NELL2: variants seen among roughly 807,000 people sequenced by gnomAD.
NELL2 encodes protein kinase C-binding protein NELL2.
In NELL2, 41 loss-of-function variants were observed where a neutral mutation model predicts 109.6. The observed-to-expected ratio is 0.37, with a 90% CI of 0.29 to 0.49. The LOEUF is 0.49. Among genes scored for constraint, NELL2 ranks in the 20% least tolerant of loss-of-function variants. NELL2 has a pLI of 0.98. For missense variants in NELL2, 900 were observed against 1,008.3 expected (o/e 0.89, Z 1.45); for synonymous variants, 355 against 344.7 (o/e 1.03, Z -0.33).
chr12:44,584,072 C>A (rs772630089), intron 15 of NELL2, among the ~76,000 whole-genome samples: 1 of 152,238 alleles, frequency 6.6e-6, no homozygotes, highest in Non-Finnish European at 1.5e-5. Flanking sequence ...CAGCGCCCAG[C>A]CTTAAATATC....
chr12:44,831,324 T>C (rs1283600208), intron 2 of NELL2, among the ~76,000 whole-genome samples: 21 of 152,168 alleles, frequency 1.4e-4, no homozygotes, highest in Admixed American at 1.4e-3. Flanking sequence ...TAAGTGACCA[T>C]TCCTAGACTA....
At chr12:44,619,144 G>A (rs764633849) in intron 13 of NELL2, among the ~76,000 whole-genome samples, 2 of 152,140 alleles carry the variant, frequency 1.3e-5, no homozygotes, top group African/African-American at 2.4e-5. Context: ...GACAGACAGG[G>A]AGGGTTTTTA....
At chr12:44,774,250 C>T (rs531906782) in intron 9 of NELL2, among the ~76,000 whole-genome samples, 1 of 152,318 alleles carries the variant, frequency 6.6e-6, no homozygotes, top group South Asian at 2.1e-4. Flanking sequence ...AAAGCTTCCA[C>T]ACATGGTGGT....
At chr12:44,871,238 T>C (rs1344046768) in intron 2 of NELL2, among the ~76,000 whole-genome samples, 3 of 152,174 alleles carry the variant, frequency 2.0e-5, no homozygotes, top group Admixed American at 6.5e-5. Context: ...AACTAAAATA[T>C]AGATTCCCAT....
rs909826068 is a variant in NELL2 at position 44,747,061 on chromosome 12, A to G, written c.994+27686T>C. Among the ~76,000 whole-genome samples the G allele has an allele frequency of 7.2e-5, 11 of 152,240 alleles. No homozygotes were observed. The East Asian group carries it at 1.2e-3, about 16-fold the overall frequency. On this transcript the variant is annotated intron_variant, in intron 9 of 19. Transcript: ENST00000429094. ...CTTGGAACCAACCCAAATGTCCAAC[A>G]ACGATAGACTGGATTAAGAAAATGT... is the stretch of plus-strand genomic sequence containing the variant.
At chr12:44,541,067 A>T (rs1299729395) in intron 15 of NELL2, among the ~76,000 whole-genome samples, 2 of 151,604 alleles carry the variant, frequency 1.3e-5, no homozygotes, top group African/African-American at 4.8e-5. Flanking sequence ...AACACAGTGA[A>T]AACCCATCTC....
intron 2 of NELL2, among the ~76,000 whole-genome samples, chr12:44,821,617 TATG>T (rs1592600462): frequency 1.3e-5 from 2 of 152,346 alleles, no homozygotes; most frequent in African/African-American, 2.4e-5. Flanking sequence ...CAATGATTAT[TATG>T]ATAAGACCTA....
chr12:44,857,658 C>T (rs1944722242), intron 2 of NELL2, among the ~76,000 whole-genome samples: 1 of 152,154 alleles, frequency 6.6e-6, no homozygotes, highest in Non-Finnish European at 1.5e-5. Flanking sequence ...AACTCAAAAC[C>T]TAAGCTTTAA....
intron 6 of NELL2, 45 bp from the exon 7 acceptor site, chr12:44,777,169 G>T (rs1298229370): frequency 6.2e-7 from 1 of 1,607,988 alleles, no homozygotes; most frequent in South Asian, 1.1e-5. Flanking sequence ...ATTTATAAGG[G>T]GTTCAATCTG....
chr12:44,647,075 T>C lies in NELL2; in HGVS notation c.1444+18409A>G, dbSNP rs562613955. The stretch of plus-strand genomic sequence containing the variant: ...CTCAAGACAAACTTCCACAGTGCAA[T>C]AGCACATATGCATTCTAAACACCTA... On this transcript the variant is annotated intron_variant, in intron 13 of 19. Coordinates refer to ENST00000429094, the MANE Select transcript of NELL2 (RefSeq NM_001145108.2). Among the ~76,000 whole-genome samples the C allele has an allele frequency of 5.9e-5, 9 of 152,266 alleles. No individual in the cohort carries two copies. The South Asian group carries it at 1.9e-3, about 32-fold the overall frequency.
At chr12:44,745,623 G>A (rs1422426727) in intron 9 of NELL2, among the ~76,000 whole-genome samples, 2 of 152,044 alleles carry the variant, frequency 1.3e-5, no homozygotes, top group Non-Finnish European at 2.9e-5. Context: ...CAAAATCAAT[G>A]TACAAAAATC....
intron 3 of NELL2, among the ~76,000 whole-genome samples, chr12:44,807,239 T>C (rs890590142): frequency 6.6e-6 from 1 of 151,808 alleles, no homozygotes; most frequent in Non-Finnish European, 1.5e-5. Context: ...CATTTAATTA[T>C]AAGGCATCAT....
intron 1 of NELL2, among the ~76,000 whole-genome samples, chr12:44,913,473 T>G (rs1945801103): frequency 6.6e-6 from 1 of 152,176 alleles, no homozygotes; most frequent in African/African-American, 2.4e-5. Flanking sequence ...AAATCAGCTC[T>G]CAAACTAGGG....
In NELL2 at chr12:44,887,325, T is replaced by C. The variant is rs1945485031; in HGVS notation, c.39-11425A>G. ...AGCTACTGCATCTGGCCCTTATTTTTGGTTTTTTGAGAAGCCTCCATACTT... is the reference window on the plus strand; with the variant it reads ...AGCTACTGCATCTGGCCCTTATTTTCGGTTTTTTGAGAAGCCTCCATACTT... On this transcript the variant is annotated intron_variant, in intron 1 of 20. Coordinates refer to the NELL2 transcript ENST00000333837. Among the ~76,000 whole-genome samples, 3 of 152,114 alleles carry C rather than the reference T, an allele frequency of 2.0e-5. No individual in the cohort carries two copies. In the South Asian group the frequency reaches 6.2e-4, roughly 32 times the overall value.
chr12:44,620,026 T>C (rs1945991898), intron 13 of NELL2, among the ~76,000 whole-genome samples: 1 of 152,072 alleles, frequency 6.6e-6, no homozygotes, highest in South Asian at 2.1e-4. Flanking sequence ...CTTAGGTTCT[T>C]AACCTAGGCA....
chr12:44,628,385 T>C (rs1946340047), intron 13 of NELL2, among the ~76,000 whole-genome samples: 1 of 152,184 alleles, frequency 6.6e-6, no homozygotes, highest in Admixed American at 6.5e-5. Context: ...GCCACTTAGC[T>C]ACTGCACTGA....
chr12:44,718,259 G>A (rs980661827), intron 9 of NELL2, among the ~76,000 whole-genome samples: 2 of 152,154 alleles, frequency 1.3e-5, no homozygotes, highest in African/African-American at 2.4e-5. Flanking sequence ...GGTATCAGGT[G>A]CAAATTCTGA....
At chr12:44,813,321 A>T (rs919183754) in intron 3 of NELL2, among the ~76,000 whole-genome samples, 2 of 152,194 alleles carry the variant, frequency 1.3e-5, no homozygotes, top group African/African-American at 4.8e-5. Flanking sequence ...TTACAAATCT[A>T]AATTATTTTC....
At chr12:44,593,560 C>T (rs781515573) in intron 15 of NELL2, among the ~76,000 whole-genome samples, 44 of 152,128 alleles carry the variant, frequency 2.9e-4, no homozygotes, top group Non-Finnish European at 5.3e-4. Flanking sequence ...AATAAACATA[C>T]GTGTACATGT....
Sources: gnomAD v4.1 joint callset for allele counts (sites outside exome capture counted in the v4.1 genomes callset) on GRCh38, gnomAD v4.1.1 for gene constraint, MANE v1.5 for transcripts, NCBI Gene and HGNC (gene_info 2026-07-23, HGNC 2026-07-21) for gene names.